The following DLGAP2 variants were observed in gnomAD, a reference collection of about 807,000 sequenced individuals.
The protein encoded by DLGAP2 is disks large-associated protein 2.
A neutral mutation model predicts 100.3 loss-of-function variants in DLGAP2; 26 were observed. The observed-to-expected ratio is 0.26, with a 90% confidence interval of 0.19 to 0.36. The LOEUF is 0.36. DLGAP2 is among the 10% of genes least tolerant of loss of function. The pLI is 1.00. For missense variants in DLGAP2, 1,858 were observed against 1,453.2 expected, an observed-to-expected ratio of 1.28 and a Z score of -4.53; for synonymous variants, 886 against 630.1, an observed-to-expected ratio of 1.41 and a Z score of -6.08.
chr8:1,220,554 T>G (rs1798296001), intron 2 of DLGAP2, among the ~76,000 whole-genome samples: 1 of 152,192 alleles, frequency 6.6e-6, no homozygotes, highest in Non-Finnish European at 1.5e-5. Flanking sequence ...ATGTGCCGTG[T>G]GGAGATGAGA....
At chr8:829,117 C>A (rs1796735377) in intron 1 of DLGAP2, among the ~76,000 whole-genome samples, 2 of 152,182 alleles carry the variant, frequency 1.3e-5, no homozygotes, top group Admixed American at 6.5e-5. Flanking sequence ...GGAGAAATCC[C>A]TAGTGTTTTC....
At chr8:1,624,445 A>T (rs1797437062) in intron 6 of DLGAP2, among the ~76,000 whole-genome samples, 1 of 151,948 alleles carries the variant, frequency 6.6e-6, no homozygotes, top group South Asian at 2.1e-4. Context: ...TGTATTAAAC[A>T]CGCACAGGCA....
intron 2 of DLGAP2, among the ~76,000 whole-genome samples, chr8:980,161 A>G (rs1008093105): frequency 5.9e-5 from 9 of 152,196 alleles, no homozygotes; most frequent in African/African-American, 2.2e-4. Context: ...TCAGGAGACA[A>G]ATCTATAACT....
At chr8:898,870 C>G (rs1281679088) in intron 1 of DLGAP2, among the ~76,000 whole-genome samples, 1 of 152,224 alleles carries the variant, frequency 6.6e-6, no homozygotes, top group Non-Finnish European at 1.5e-5. Context: ...TCCCTGTTCA[C>G]TGGAGGGTGA....
Position 937,271 on chromosome 8 carries a change from C to T in DLGAP2, c.73+29305C>T, listed in dbSNP as rs183103356. 2.0e-5 allele frequency among the ~76,000 whole-genome samples: 3 copies of T among 152,290 alleles called. No individual in the cohort carries two copies. In the East Asian group the frequency reaches 5.8e-4, roughly 29 times the overall value. On this transcript the variant is annotated intron_variant, in intron 2 of 14. Coordinates refer to ENST00000637795, the MANE Select transcript of DLGAP2 (RefSeq NM_001346810.2). ...TATCACCATGATGGGCATGCTGTTT[C>T]TTATGGATTCAAAAACATGCCCATA...
At chr8:1,174,636 C>G (rs541236631) in intron 2 of DLGAP2, among the ~76,000 whole-genome samples, 37 of 151,540 alleles carry the variant, frequency 2.4e-4, no homozygotes, top group African/African-American at 8.5e-4. Context: ...CTGCCACCAT[C>G]ATCATCGTCG....
At chr8:1,138,676 T>C (rs1796466092) in intron 2 of DLGAP2, among the ~76,000 whole-genome samples, 3 of 152,242 alleles carry the variant, frequency 2.0e-5, no homozygotes, top group South Asian at 4.1e-4. Flanking sequence ...TCTGCAAAAA[T>C]ATTTTTTGAA....
intron 6 of DLGAP2, among the ~76,000 whole-genome samples, chr8:1,574,509 A>G (rs1174997728): frequency 2.0e-5 from 3 of 152,124 alleles, no homozygotes; most frequent in African/African-American, 2.4e-5. Context: ...AGGCAGCAGA[A>G]TCTCCCCTCG....
chr8:1,336,198 T>C (rs1249975684), intron 3 of DLGAP2, among the ~76,000 whole-genome samples: 3 of 152,266 alleles, frequency 2.0e-5, no homozygotes, highest in African/African-American at 7.2e-5. Context: ...ATTCAATGAA[T>C]GGTTTTGAAT....
chr8:855,347 G>A (rs536767461), intron 1 of DLGAP2, among the ~76,000 whole-genome samples: 9 of 152,210 alleles, frequency 5.9e-5, no homozygotes, highest in Admixed American at 1.3e-4. Context: ...GGTCAGGAGC[G>A]TTCTCTGTGC....
chr8:1,475,852 T>G (rs928492488), intron 3 of DLGAP2, among the ~76,000 whole-genome samples: 7 of 152,314 alleles, frequency 4.6e-5, no homozygotes, highest in South Asian at 2.1e-4. Flanking sequence ...GGTTCAATTT[T>G]CAGGTCCCAT....
At chr8:1,435,504 T>G (rs932160323) in intron 3 of DLGAP2, among the ~76,000 whole-genome samples, 4 of 152,148 alleles carry the variant, frequency 2.6e-5, no homozygotes, top group African/African-American at 9.7e-5. Flanking sequence ...AAACCCCCTG[T>G]GCAGCCACCG....
intron 2 of DLGAP2, among the ~76,000 whole-genome samples, chr8:1,216,184 T>A (rs1275252897): frequency 6.6e-6 from 1 of 152,236 alleles, no homozygotes; most frequent in Non-Finnish European, 1.5e-5. Context: ...AGGGGACTAA[T>A]AGCTGCGCTT....
chr8:1,237,439 A>G (rs1798686723), intron 2 of DLGAP2, among the ~76,000 whole-genome samples: 1 of 141,752 alleles, frequency 7.1e-6, no homozygotes, highest in African/African-American at 2.7e-5. Context: ...GTTCTCTCAC[A>G]TGGCGCCGTG....
intron 5 of DLGAP2, among the ~76,000 whole-genome samples, chr8:1,560,859 A>G (rs897602515): frequency 2.0e-5 from 3 of 152,214 alleles, no homozygotes; most frequent in Non-Finnish European, 2.9e-5. Flanking sequence ...GCTGTGGCTG[A>G]GGCCCCAGGC....
chr8:1,460,922 T>C (rs1237170031), intron 3 of DLGAP2, among the ~76,000 whole-genome samples: 1 of 152,170 alleles, frequency 6.6e-6, no homozygotes, highest in Non-Finnish European at 1.5e-5. Context: ...AAGGACTCTC[T>C]CCAGAGCATA....
At chr8:1,440,208 G>A (rs971768512) in intron 3 of DLGAP2, among the ~76,000 whole-genome samples, 2 of 152,276 alleles carry the variant, frequency 1.3e-5, no homozygotes, top group Non-Finnish European at 1.5e-5. Flanking sequence ...ATATAAAACA[G>A]ACATAGCCCT....
intron 3 of DLGAP2, among the ~76,000 whole-genome samples, chr8:1,267,266 A>G (rs1446237309): frequency 6.7e-6 from 1 of 149,612 alleles, no homozygotes; most frequent in East Asian, 2.0e-4. Flanking sequence ...AATAAAATAA[A>G]ATAAAATAAA....
chr8:1,186,247 C>T (rs1585132283), intron 2 of DLGAP2, among the ~76,000 whole-genome samples: 1 of 152,238 alleles, frequency 6.6e-6, no homozygotes, highest in South Asian at 2.1e-4. Flanking sequence ...AGCAGCTATG[C>T]TGGAGTTACT....
Sources: allele counts gnomAD v4.1 joint callset (sites outside exome capture counted in the v4.1 genomes callset), GRCh38; gene constraint gnomAD v4.1.1; transcripts MANE v1.5; gene names NCBI Gene and HGNC (gene_info 2026-07-23, HGNC 2026-07-21).